Variants in TXLNB observed in about 807,000 individuals in gnomAD.
TXLNB encodes taxilin beta.
A neutral mutation model predicts 57.4 loss-of-function variants in TXLNB; 37 were observed. That is an observed-to-expected ratio of 0.64 (90% CI 0.50 to 0.85). The LOEUF (loss-of-function observed/expected upper bound fraction) is 0.85, where lower values mean the gene tolerates loss of function less well. TXLNB is among the 40% of genes least tolerant of loss of function. TXLNB has a pLI of 0.00. For missense variants in TXLNB, 848 were observed against 825.6 expected, an observed-to-expected ratio of 1.03 and a Z score of -0.33; for synonymous variants, 302 against 309.6, an observed-to-expected ratio of 0.98 and a Z score of 0.26.
chr6:139,213,224 G>T, the TXLNB span, among the ~76,000 whole-genome samples: 1 of 152,132 alleles, frequency 6.6e-6, no homozygotes, highest in Non-Finnish European at 1.5e-5. Context: ...CACATAGTTG[G>T]AAGTAAAACA....
rs781612782 is a variant in TXLNB, at chr6:139,242,612, C to G, written c.1969G>C (p.Ala657Pro). Reference sequence around the variant, plus strand: ...CCTACTGGCAGCTCCTCTGCTGCTGCTCGTGGGGGCTGCCTACTGGGCTCG... The same window carrying G: ...CCTACTGGCAGCTCCTCTGCTGCTGGTCGTGGGGGCTGCCTACTGGGCTCG... ...ACEPSRQPPR[A>P]AAEELPVGAS... Residue 657 changes from alanine to proline, a missense_variant, in exon 10 of 10, where the codon GCA becomes CCA. Physicochemically the swap from Ala to Pro is conservative, Grantham distance 27. Transcript: ENST00000358430. 1.2e-5 allele frequency: 19 copies of G among 1,590,746 alleles called. No individual in the cohort carries two copies. Among genetic ancestry groups the G allele is most frequent in the Non-Finnish European group, 1.5e-5 (18 of 1,169,458 alleles).
the TXLNB span, among the ~76,000 whole-genome samples, chr6:139,205,335 C>T: frequency 6.6e-6 from 1 of 152,122 alleles, no homozygotes; most frequent in Non-Finnish European, 1.5e-5. Flanking sequence ...CCATGTTGGC[C>T]AGGCTGGTCT....
the TXLNB span, among the ~76,000 whole-genome samples, chr6:139,209,261 C>T: frequency 6.6e-6 from 1 of 152,052 alleles, no homozygotes; most frequent in Admixed American, 6.5e-5. Context: ...AAGATCTCTA[C>T]AAGGAAAACT....
upstream of TXLNB, among the ~76,000 whole-genome samples, chr6:139,292,578 A>C (rs1028950624): frequency 6.6e-6 from 1 of 152,168 alleles, no homozygotes; most frequent in African/African-American, 2.4e-5. The surrounding 1 kb of genome is among the most constrained non-coding windows in gnomAD (Gnocchi z 4.0). Flanking sequence ...AAACATGTAG[A>C]TGGTGATTTT....
the TXLNB span, among the ~76,000 whole-genome samples, chr6:139,193,218 C>G: frequency 2.0e-5 from 3 of 150,078 alleles, 1 homozygote; most frequent in South Asian, 6.3e-4. Context: ...AATGGAATAC[C>G]CCAGTGCCCA....
chr6:139,210,549 C>T, the TXLNB span, among the ~76,000 whole-genome samples: 3 of 152,204 alleles, frequency 2.0e-5, no homozygotes, highest in Admixed American at 1.3e-4. Context: ...CAGCTCCTAG[C>T]GTGAGCGACG....
the TXLNB span, among the ~76,000 whole-genome samples, chr6:139,320,415 T>C: frequency 6.6e-6 from 1 of 152,180 alleles, no homozygotes; most frequent in Non-Finnish European, 1.5e-5. Flanking sequence ...TCGTTATGAG[T>C]TGATATTTTC....
chr6:139,208,769 T>C, the TXLNB span, among the ~76,000 whole-genome samples: 1 of 152,130 alleles, frequency 6.6e-6, no homozygotes, highest in Non-Finnish European at 1.5e-5. Context: ...TTCAGCAAAA[T>C]TGCCATAGAA....
chr6:139,323,368 C>T, the TXLNB span, among the ~76,000 whole-genome samples: 4 of 151,574 alleles, frequency 2.6e-5, no homozygotes, highest in African/African-American at 4.8e-5. Context: ...CTGCAATCTC[C>T]GCCTCCCGAG....
intron 8 of TXLNB, among the ~76,000 whole-genome samples, chr6:139,245,172 G>T (rs983349860): frequency 2.6e-5 from 4 of 152,178 alleles, no homozygotes; most frequent in African/African-American, 9.7e-5. Context: ...GTGAGGTAGA[G>T]TTCACAAAAT....
chr6:139,232,854 C>T, the TXLNB span, among the ~76,000 whole-genome samples: 14 of 152,172 alleles, frequency 9.2e-5, no homozygotes, highest in African/African-American at 2.9e-4. Flanking sequence ...CTGAGTTGGT[C>T]TCTTATTTAT....
the TXLNB span, among the ~76,000 whole-genome samples, chr6:139,159,413 G>A: frequency 6.6e-6 from 1 of 152,116 alleles, no homozygotes; most frequent in African/African-American, 2.4e-5. Context: ...TACACAGCTA[G>A]TATCCCATGG....
chr6:139,217,364 C>G, the TXLNB span, among the ~76,000 whole-genome samples: 2 of 152,008 alleles, frequency 1.3e-5, no homozygotes, highest in African/African-American at 2.4e-5. Context: ...TGCACAGAAG[C>G]TTGCAAAAAG....
At chr6:139,174,047 C>T in the TXLNB span, among the ~76,000 whole-genome samples, 4 of 152,228 alleles carry the variant, frequency 2.6e-5, no homozygotes, top group African/African-American at 7.2e-5. Flanking sequence ...GGAAGTCCTG[C>T]GTGAATACAG....
rs957980122 is a variant in TXLNB at position 139,262,897 on chromosome 6, C to A, written c.688-124G>T. On this transcript the variant is annotated intron_variant, in intron 4 of 9. Transcript: ENST00000358430. ...GATGTTTTTTCTCAGTTCTCTAGAGCTAAAGCTGCTCAGCCCCAAAATAAA... is the reference window on the plus strand; with the variant it reads ...GATGTTTTTTCTCAGTTCTCTAGAGATAAAGCTGCTCAGCCCCAAAATAAA... 31 of 903,116 alleles carry A rather than the reference C, an allele frequency of 3.4e-5. No individual in the cohort carries two copies. In the African/African-American group the frequency reaches 4.4e-4, roughly 13 times the overall value. The allele number at this position is 903,116 out of a possible 1,614,324, so 55.9% of individuals were successfully genotyped here.
chr6:139,168,399 G>A, the TXLNB span, among the ~76,000 whole-genome samples: 7 of 148,786 alleles, frequency 4.7e-5, no homozygotes, highest in African/African-American at 1.5e-4. Context: ...TTTTATTAGG[G>A]TTAATTGATT....
the TXLNB span, among the ~76,000 whole-genome samples, chr6:139,204,929 C>T: frequency 2.0e-5 from 3 of 152,136 alleles, no homozygotes; most frequent in Admixed American, 6.5e-5. Context: ...TGAGAACCAC[C>T]CCCCATCCCC....
the TXLNB span, among the ~76,000 whole-genome samples, chr6:139,175,479 T>G: frequency 1.2e-4 from 19 of 152,358 alleles, no homozygotes; most frequent in South Asian, 2.1e-4. Flanking sequence ...TGTGCCTTGA[T>G]GCCAGCTCTT....
the TXLNB span, among the ~76,000 whole-genome samples, chr6:139,211,810 G>A: frequency 2.6e-5 from 4 of 152,180 alleles, no homozygotes; most frequent in Non-Finnish European, 5.9e-5. Context: ...GAAAACCACG[G>A]CACAAGAACT....
Sources: allele counts gnomAD v4.1 joint callset (sites outside exome capture counted in the v4.1 genomes callset), GRCh38; gene constraint gnomAD v4.1.1; non-coding constraint Gnocchi (gnomAD v3.1); transcripts MANE v1.5; gene names NCBI Gene and HGNC (gene_info 2026-07-23, HGNC 2026-07-21).